PDZD8: variants seen among roughly 807,000 people sequenced by gnomAD.
PDZD8 encodes the protein PDZ domain containing 8, also known as PDZ domain-containing protein 8.
A neutral mutation model predicts 85.8 loss-of-function variants in PDZD8; 14 were observed. That is an observed-to-expected ratio of 0.16 (90% confidence interval 0.11 to 0.26). The LOEUF (loss-of-function observed/expected upper bound fraction) is 0.26. Ranked by LOEUF, PDZD8 falls within the 10% of genes least tolerant of loss-of-function variation. The probability of loss-of-function intolerance (pLI) is 1.00; values close to 1 mark genes in which losing one functional copy is unlikely to be tolerated. For missense variants in PDZD8, 1,197 were observed against 1,424.3 expected, an observed-to-expected ratio of 0.84 and a Z score of 2.57; for synonymous variants, 592 against 568.6, an observed-to-expected ratio of 1.04 and a Z score of -0.59.
At chr10:117,306,645 C>T (rs916157428) in intron 3 of PDZD8, among the ~76,000 whole-genome samples, 2 of 132,526 alleles carry the variant, frequency 1.5e-5, no homozygotes, top group Non-Finnish European at 3.2e-5. Flanking sequence ...GCCTTAGGTA[C>T]AGATAGGTTT....
rs137870502 is a variant in PDZD8 at position 117,332,152 on chromosome 10, T to C, written c.995+8828A>G. Among the ~76,000 whole-genome samples the C allele has an allele frequency of 2.3e-4, 35 of 152,312 alleles. No homozygotes were observed. In the East Asian group the frequency reaches 6.4e-3, roughly 28 times the overall value. ...ACAGAATTACACAGCTTTAAAGACT[T>C]TGAGGAATAATATTCAGCAACAATT... On this transcript the variant is annotated intron_variant, in intron 2 of 4. Coordinates refer to ENST00000334464, the MANE Select transcript of PDZD8 (RefSeq NM_173791.5).
chr10:117,321,840 C>T (rs942202312), intron 2 of PDZD8, among the ~76,000 whole-genome samples: 2 of 152,060 alleles, frequency 1.3e-5, no homozygotes, highest in Non-Finnish European at 2.9e-5. Context: ...TAAGACTGCT[C>T]TTTATTTGAT....
intron 3 of PDZD8, chr10:117,314,099 A>T (rs1330801133): frequency 6.6e-6 from 1 of 152,200 alleles, no homozygotes; most frequent in African/African-American, 2.4e-5. Flanking sequence ...ATATGGGAAG[A>T]GTATTTCATA....
Position 117,284,987 on chromosome 10 carries a change from G to A in PDZD8, c.1746C>T (p.Thr582=), listed in dbSNP as rs774103486. ...ITDPAQVSKP[T]QGSAFKPPVP... ...CAGGTGGTTTGAAAGCAGATCCTTG[G>A]GTTGGTTTTGACACTTGTGCTGGGT... is the stretch of plus-strand genomic sequence containing the variant. Residue 582 remains threonine, a synonymous_variant, in exon 5 of 5, where the codon ACC becomes ACT. Transcript: ENST00000334464. The A allele has an allele frequency of 6.2e-7, 1 of 1,614,036 alleles. No individual in the cohort carries two copies. The highest frequency in any genetic ancestry group is 1.1e-5 in the South Asian group (1 of 91,078).
chr10:117,343,649 T>G (rs1003622657), intron 1 of PDZD8, among the ~76,000 whole-genome samples: 2 of 152,222 alleles, frequency 1.3e-5, no homozygotes, highest in Non-Finnish European at 2.9e-5. Context: ...AAAGTCAAAA[T>G]TCAATAAAAT....
intron 3 of PDZD8, among the ~76,000 whole-genome samples, chr10:117,312,956 C>A (rs916931795): frequency 2.0e-5 from 3 of 152,156 alleles, no homozygotes; most frequent in African/African-American, 7.2e-5. Flanking sequence ...TGACATCTTT[C>A]ATGAAAAGTC....
At chr10:117,323,363 C>T (rs968232725) in intron 2 of PDZD8, among the ~76,000 whole-genome samples, 2 of 152,174 alleles carry the variant, frequency 1.3e-5, no homozygotes, top group Non-Finnish European at 2.9e-5. Flanking sequence ...ACTACTACTG[C>T]TCCCCTCTAT....
chr10:117,317,904 A>T (rs570920845), intron 3 of PDZD8, among the ~76,000 whole-genome samples: 71 of 152,260 alleles, frequency 4.7e-4, no homozygotes, highest in Non-Finnish European at 7.4e-4. Context: ...TGGGCCAACC[A>T]TCCTCCCTTT....
chr10:117,313,140 G>A (rs559670403), intron 3 of PDZD8, among the ~76,000 whole-genome samples: 1 of 152,202 alleles, frequency 6.6e-6, no homozygotes, highest in South Asian at 2.1e-4. Context: ...GTGTAAATCT[G>A]AAGATTATAC....
chr10:117,375,010 G>T lies in PDZD8; in HGVS notation c.218C>A (p.Ala73Asp). ...GGTGGGGGTCGCGCCGCCCTCAGGG[G>T]CCGCTCCGGAGGGCTCCTCATCCCG... ...GGRDEEPSGA[A>D]PEGGATPTAA... is the part of the protein sequence containing the mutation. The change falls in exon 1 of 5, where the codon GCC (alanine) becomes GAC (aspartate). Residue 73 changes from alanine (A) to aspartate (D), a missense_variant. Physicochemically the swap from Ala to Asp is moderately radical, Grantham distance 126. Transcript: ENST00000334464. 6.3e-7 allele frequency: 1 copy of T among 1,587,320 alleles called. No homozygotes were observed. Among genetic ancestry groups the T allele is most frequent in the Non-Finnish European group, 8.6e-7 (1 of 1,167,194 alleles).
intron 1 of PDZD8, among the ~76,000 whole-genome samples, chr10:117,366,592 TACCACC>T (rs140867417): frequency 3.3e-5 from 5 of 150,556 alleles, no homozygotes; most frequent in Admixed American, 6.6e-5. Context: ...TCACCACCAT[TACCACC>T]ACCACCACCA....
intron 3 of PDZD8, among the ~76,000 whole-genome samples, chr10:117,300,199 T>C (rs1232407139): frequency 6.6e-6 from 1 of 152,202 alleles, no homozygotes; most frequent in Non-Finnish European, 1.5e-5. Context: ...TTTAAAAAGC[T>C]GCCACCACTT....
intron 1 of PDZD8, among the ~76,000 whole-genome samples, chr10:117,348,365 C>T (rs1022153404): frequency 6.6e-6 from 1 of 152,194 alleles, no homozygotes; most frequent in African/African-American, 2.4e-5. Flanking sequence ...TCCTTACAAC[C>T]TCCAAACTAG....
At chr10:117,358,228 T>C (rs1452496480) in intron 1 of PDZD8, among the ~76,000 whole-genome samples, 1 of 152,204 alleles carries the variant, frequency 6.6e-6, no homozygotes, top group Non-Finnish European at 1.5e-5. Flanking sequence ...TCGTTTAACC[T>C]TTTGAATCTG....
Position 117,284,294 on chromosome 10 carries a change from T to C in PDZD8, c.2439A>G (p.Lys813=), listed in dbSNP as rs542881533. The C allele has an allele frequency of 1.2e-6, 2 of 1,613,912 alleles. No individual in the cohort carries two copies. The highest frequency in any genetic ancestry group is 1.3e-5 in the African/African-American group (1 of 74,974). The change falls in exon 5 of 5, where the codon AAA becomes AAG. Residue 813 remains lysine (K), a synonymous_variant. Transcript: ENST00000334464. ...AAACTTCTTCAACCAAATGGGGTTC[T>C]TTTTCTTTTTCTACGTTAGTAACTA... ...HHVVTNVEKE[K]EPHLVEEVSV...
Position 117,337,014 on chromosome 10 carries a change from A to G in PDZD8, c.995+3966T>C, listed in dbSNP as rs995505370. Among the ~76,000 whole-genome samples the G allele has an allele frequency of 6.6e-5, 10 of 152,030 alleles. 1 individual carries two copies. In the South Asian group the frequency reaches 2.1e-3, roughly 32 times the overall value. On this transcript the variant is annotated intron_variant, in intron 2 of 4. Coordinates refer to ENST00000334464, the MANE Select transcript of PDZD8 (RefSeq NM_173791.5). ...TGAGGCAAAAGAATGGCGTGAACCC[A>G]GGAGGTGGAGCTTGCAGTGAGCCGA...
intron 3 of PDZD8, among the ~76,000 whole-genome samples, chr10:117,310,185 A>T (rs988123994): frequency 6.6e-6 from 1 of 152,170 alleles, no homozygotes; most frequent in Non-Finnish European, 1.5e-5. Context: ...CTCATCTTGA[A>T]CTGGCCTCTC....
At chr10:117,358,882 C>T (rs560535611) in intron 1 of PDZD8, among the ~76,000 whole-genome samples, 2 of 152,138 alleles carry the variant, frequency 1.3e-5, no homozygotes, top group African/African-American at 4.8e-5. Context: ...ATCAAACCTT[C>T]TATTTATCTA....
At chr10:117,347,919 A>G (rs1844737075) in intron 1 of PDZD8, among the ~76,000 whole-genome samples, 1 of 152,222 alleles carries the variant, frequency 6.6e-6, no homozygotes, top group African/African-American at 2.4e-5. Flanking sequence ...AGAAAAGTAC[A>G]TGAGGGGTTA....
Sources: allele counts gnomAD v4.1 joint callset (sites outside exome capture counted in the v4.1 genomes callset), GRCh38; gene constraint gnomAD v4.1.1; transcripts MANE v1.5; gene names NCBI Gene and HGNC (gene_info 2026-07-23, HGNC 2026-07-21).